Variants in COX7A2 observed in about 807,000 individuals in gnomAD.
COX7A2 encodes cytochrome c oxidase subunit 7A2, mitochondrial.
A neutral mutation model predicts 11.6 loss-of-function variants in COX7A2; 11 were observed. That is an observed-to-expected ratio of 0.95 (90% confidence interval 0.60 to 1.57). The LOEUF (loss-of-function observed/expected upper bound fraction) is 1.57, where lower values mean the gene tolerates loss of function less well. Ranked by LOEUF, COX7A2 falls within the 40% of genes most tolerant of loss-of-function variation. The probability of loss-of-function intolerance (pLI) is 0.00; values close to 1 mark genes in which losing one functional copy is unlikely to be tolerated. For synonymous variants in COX7A2, 30 were observed against 38.2 expected (o/e 0.78, Z 0.79); for missense variants, 106 against 100.9 (o/e 1.05, Z -0.22).
At chr6:75,241,107 T>G (rs1286496649) in intron 2 of COX7A2, 69 bp downstream of exon 2, 2 of 1,542,596 alleles carry the variant, frequency 1.3e-6, no homozygotes, top group East Asian at 4.6e-5. Context: ...ACATACTTGT[T>G]TATCCCAACT....
chr6:75,246,272 T>C (rs1420845646), upstream of COX7A2, among the ~76,000 whole-genome samples: 6 of 152,218 alleles, frequency 3.9e-5, no homozygotes, highest in African/African-American at 7.2e-5. Flanking sequence ...CCACTCCTTA[T>C]TCCCCAACTT....
At chr6:75,238,331 C>A (rs530801805) in intron 3 of COX7A2, among the ~76,000 whole-genome samples, 1 of 151,416 alleles carries the variant, frequency 6.6e-6, no homozygotes, top group South Asian at 2.1e-4. Context: ...AAAAAGAGTT[C>A]AAAATATGCA....
upstream of COX7A2, among the ~76,000 whole-genome samples, chr6:75,247,449 G>A (rs1771704017): frequency 6.6e-6 from 1 of 152,104 alleles, no homozygotes; most frequent in African/African-American, 2.4e-5. Flanking sequence ...TACTGGTTAG[G>A]TAAAAGATAA....
At chr6:75,246,770 T>A (rs1246103931), upstream of COX7A2, among the ~76,000 whole-genome samples, 1 of 152,220 alleles carries the variant, frequency 6.6e-6, no homozygotes, top group African/African-American at 2.4e-5. Context: ...TCCTCATTCA[T>A]TATCTTCTTG....
chr6:75,238,487 C>A (rs1771384806), intron 3 of COX7A2, among the ~76,000 whole-genome samples: 1 of 151,838 alleles, frequency 6.6e-6, no homozygotes, highest in Admixed American at 6.6e-5. Flanking sequence ...GCGGGCGGAT[C>A]ACCTGAGGTC....
At chr6:75,242,999 T>C (rs925817471) in intron 1 of COX7A2, among the ~76,000 whole-genome samples, 1 of 152,220 alleles carries the variant, frequency 6.6e-6, no homozygotes, top group Non-Finnish European at 1.5e-5. Flanking sequence ...AGAAGAGACA[T>C]GCACTACATA....
At chr6:75,239,524 C>G (rs961019625) in intron 3 of COX7A2, among the ~76,000 whole-genome samples, 47 of 152,202 alleles carry the variant, frequency 3.1e-4, no homozygotes, top group African/African-American at 1.0e-3. Context: ...ATATGATAGG[C>G]ATAAAATAAT....
chr6:75,248,079 A>ATCTTTTTTTTTTTTTTT (rs1771718620), upstream of COX7A2, among the ~76,000 whole-genome samples: 1 of 14,044 alleles, frequency 7.1e-5, no homozygotes, highest in African/African-American at 2.1e-4. Context: ...CACATCCTTT[A>ATCTTTTTTTTTTTTTTT]TCTTTTTTTT....
intron 1 of COX7A2, among the ~76,000 whole-genome samples, chr6:75,249,042 G>A (rs892624576): frequency 2.6e-5 from 4 of 152,140 alleles, no homozygotes; most frequent in African/African-American, 9.7e-5. Context: ...CAGATCACGA[G>A]GTCAAGAGAT....
chr6:75,238,200 A>G (rs532875199), intron 3 of COX7A2, among the ~76,000 whole-genome samples: 2 of 152,244 alleles, frequency 1.3e-5, no homozygotes, highest in East Asian at 3.9e-4. Context: ...GCACAATAAT[A>G]TATTTGTCAA....
chr6:75,247,400 A>G (rs1045508277), upstream of COX7A2, among the ~76,000 whole-genome samples: 1 of 152,196 alleles, frequency 6.6e-6, no homozygotes, highest in African/African-American at 2.4e-5. Flanking sequence ...ATTTTATAAA[A>G]ATATAGAACA....
At chr6:75,239,535 C>T (rs1771424374) in intron 3 of COX7A2, among the ~76,000 whole-genome samples, 1 of 152,186 alleles carries the variant, frequency 6.6e-6, no homozygotes, top group Non-Finnish European at 1.5e-5. Context: ...ATAAAATAAT[C>T]ACTCAAATAT....
chr6:75,243,813 C>T, upstream of COX7A2: 1 of 1,614,040 alleles, frequency 6.2e-7, no homozygotes, highest in Non-Finnish European at 8.5e-7. Flanking sequence ...GAACTACCTC[C>T]GAGTCTTGCG....
chr6:75,240,421 A>T, intron 2 of COX7A2, 36 bp from the exon 3 acceptor site: 4 of 1,392,406 alleles, frequency 2.9e-6, no homozygotes, highest in Non-Finnish European at 3.9e-6. Context: ...ACAATAATAA[A>T]TGTCTCACTC....
chr6:75,241,368 A>G, intron 1 of COX7A2, 103 bp from the exon 2 acceptor site: 1 of 1,037,718 alleles, frequency 9.6e-7, no homozygotes, highest in Non-Finnish European at 1.3e-6. Context: ...TGAGACTTGA[A>G]GCATATCTGA....
chr6:75,238,118 G>A lies in COX7A2; in HGVS notation c.194-130C>T, dbSNP rs115986898. Reference sequence around the variant, plus strand: ...TAATTGGAACACAAAAAAGTATTTTGATAGGTGCTGGAAAAATTTTAAATA... The same window carrying A: ...TAATTGGAACACAAAAAAGTATTTTAATAGGTGCTGGAAAAATTTTAAATA... On this transcript the variant is annotated intron_variant, in intron 3 of 3. Transcript: ENST00000684430. 8.2e-3 allele frequency: 3,768 copies of A among 458,744 alleles called. 113 individuals are homozygous for A. The highest frequency in any genetic ancestry group is 0.067 in the African/African-American group (3,392 of 50,980). 28.4% of individuals were successfully genotyped at this position (458,744 alleles called of 1,614,324 possible).
rs1169900955 is a variant in COX7A2, at chr6:75,240,335, G to A, written c.159C>T (p.Leu53=). Residue 53 remains leucine, a synonymous_variant, in exon 3 of 4, where the codon CTC becomes CTT. Transcript: ENST00000684430. ...TAAGAATCATGGTGGCTCTATACAG[G>A]AGGGCATCAGCTACCCCACCCTTTA... ...LYLKGGVADA[L]LYRATMILTV... 1.2e-6 allele frequency: 2 copies of A among 1,608,978 alleles called. No individual in the cohort carries two copies. Among genetic ancestry groups the A allele is most frequent in the Admixed American group, 1.7e-5 (1 of 59,264 alleles).
chr6:75,237,690 T>C (rs1394675269), downstream of COX7A2: 2 of 388,786 alleles, frequency 5.1e-6, no homozygotes, highest in East Asian at 7.7e-5. Context: ...TTCACAAGTT[T>C]AGTGGCAAAA....
At chr6:75,242,200 C>CAA (rs754113298) in intron 1 of COX7A2, among the ~76,000 whole-genome samples, 1 of 141,936 alleles carries the variant, frequency 7.0e-6, no homozygotes, top group East Asian at 2.1e-4. Flanking sequence ...AACTCCATCT[C>CAA]AAAAAAAAAA....
Sources: gnomAD v4.1 joint callset for allele counts (sites outside exome capture counted in the v4.1 genomes callset) on GRCh38, gnomAD v4.1.1 for gene constraint, MANE v1.5 for transcripts, NCBI Gene and HGNC (gene_info 2026-07-23, HGNC 2026-07-21) for gene names.